CNTNAP5: variants seen among roughly 807,000 people sequenced by gnomAD.
CNTNAP5 encodes the protein contactin associated protein family member 5.
Under a neutral mutation model 150.2 loss-of-function variants are expected in CNTNAP5, and 72 were observed. The observed-to-expected ratio is 0.48, with a 90% CI of 0.40 to 0.58. The LOEUF is 0.58. Among genes scored for constraint, CNTNAP5 ranks in the 20% least tolerant of loss-of-function variants. CNTNAP5 has a pLI of 0.00. For synonymous variants in CNTNAP5, 672 were observed against 619.8 expected, an observed-to-expected ratio of 1.08 and a Z score of -1.25; for missense variants, 1,636 against 1,626.2, an observed-to-expected ratio of 1.01 and a Z score of -0.10.
chr2:124,819,822 A>G (rs1682446136), intron 19 of CNTNAP5, among the ~76,000 whole-genome samples: 1 of 152,196 alleles, frequency 6.6e-6, no homozygotes, highest in Non-Finnish European at 1.5e-5. Flanking sequence ...CCAGGCCTCG[A>G]TGCCATATGT....
intron 1 of CNTNAP5, among the ~76,000 whole-genome samples, chr2:124,055,930 A>G (rs545377094): frequency 6.6e-6 from 1 of 151,610 alleles, no homozygotes; most frequent in Non-Finnish European, 1.5e-5. Context: ...GTCCACTGCC[A>G]TGGCTCTGAT....
intron 6 of CNTNAP5, among the ~76,000 whole-genome samples, chr2:124,463,453 C>T (rs1412974967): frequency 1.3e-5 from 2 of 152,130 alleles, no homozygotes; most frequent in East Asian, 1.9e-4. Flanking sequence ...TACCCCGTTG[C>T]AAAACCTGAT....
intron 13 of CNTNAP5, among the ~76,000 whole-genome samples, chr2:124,739,867 T>C (rs1273518770): frequency 2.0e-5 from 3 of 152,000 alleles, no homozygotes; most frequent in African/African-American, 7.3e-5. Context: ...TATTAACTGC[T>C]CTCTTTGGCA....
chr2:124,612,196 G>A (rs1008343291), intron 12 of CNTNAP5, among the ~76,000 whole-genome samples: 6 of 152,074 alleles, frequency 3.9e-5, no homozygotes, highest in African/African-American at 7.2e-5. Flanking sequence ...ACTGTAATCC[G>A]CAATCCAGAG....
chr2:124,678,294 G>A (rs1678990043), intron 13 of CNTNAP5, among the ~76,000 whole-genome samples: 1 of 151,698 alleles, frequency 6.6e-6, no homozygotes, highest in Non-Finnish European at 1.5e-5. Flanking sequence ...CTCCTTTCTT[G>A]TCAGCATGTA....
chr2:124,531,155 A>G (rs1174805514), intron 10 of CNTNAP5, among the ~76,000 whole-genome samples: 1 of 152,084 alleles, frequency 6.6e-6, no homozygotes, highest in Non-Finnish European at 1.5e-5. Context: ...ATCAGGCATT[A>G]GATTCTCATA....
intron 8 of CNTNAP5, among the ~76,000 whole-genome samples, chr2:124,510,301 C>CTATCTATATATCTA (rs1694536672): frequency 7.5e-5 from 8 of 106,056 alleles, no homozygotes; most frequent in Admixed American, 1.2e-4. Flanking sequence ...ATCTATATAT[C>CTATCTATATATCTA]TATATATATA....
intron 12 of CNTNAP5, among the ~76,000 whole-genome samples, chr2:124,616,122 C>A (rs759379150): frequency 4.6e-5 from 7 of 152,082 alleles, no homozygotes; most frequent in Non-Finnish European, 4.4e-5. Flanking sequence ...GGCAAATGAG[C>A]ATTAGCACTT....
At chr2:124,176,637 T>G (rs1481558967) in intron 1 of CNTNAP5, among the ~76,000 whole-genome samples, 1 of 152,094 alleles carries the variant, frequency 6.6e-6, no homozygotes, top group Non-Finnish European at 1.5e-5. Flanking sequence ...TGGACAGTTC[T>G]CCAAACTTTG....
chr2:124,875,035 T>C (rs901230287), intron 21 of CNTNAP5, among the ~76,000 whole-genome samples: 1 of 152,076 alleles, frequency 6.6e-6, no homozygotes, highest in Non-Finnish European at 1.5e-5. Flanking sequence ...ATTGCAGAGC[T>C]ATCTGTGAGC....
intron 3 of CNTNAP5, among the ~76,000 whole-genome samples, chr2:124,301,220 T>C (rs1046645535): frequency 6.6e-6 from 1 of 152,228 alleles, no homozygotes; most frequent in Non-Finnish European, 1.5e-5. Context: ...TTATTTTCTT[T>C]GCAAAAGTAG....
intron 1 of CNTNAP5, among the ~76,000 whole-genome samples, chr2:124,147,446 C>G (rs1354506989): frequency 1.3e-5 from 2 of 152,126 alleles, no homozygotes; most frequent in African/African-American, 4.8e-5. Flanking sequence ...TGAGTTCTGG[C>G]TAGGGTTCTC....
chr2:124,566,736 T>G (rs1395809465), intron 11 of CNTNAP5, among the ~76,000 whole-genome samples: 1 of 152,136 alleles, frequency 6.6e-6, no homozygotes, highest in Non-Finnish European at 1.5e-5. Context: ...TCTAACTAAT[T>G]TCCCCCTCCC....
chr2:124,514,677 G>A (rs575168177), intron 8 of CNTNAP5, among the ~76,000 whole-genome samples: 34 of 152,304 alleles, frequency 2.2e-4, no homozygotes, highest in South Asian at 4.1e-4. Flanking sequence ...AGCTGGATAG[G>A]TGAGAAAGGG....
At chr2:124,122,081 G>A (rs777677849) in intron 1 of CNTNAP5, among the ~76,000 whole-genome samples, 30 of 152,100 alleles carry the variant, frequency 2.0e-4, no homozygotes, top group Non-Finnish European at 3.8e-4. Flanking sequence ...ATTAAAGATG[G>A]GATTACGTGG....
At chr2:124,136,990 A>T (rs949488383) in intron 1 of CNTNAP5, among the ~76,000 whole-genome samples, 6 of 152,106 alleles carry the variant, frequency 3.9e-5, no homozygotes, top group African/African-American at 1.2e-4. Flanking sequence ...GACCTCTCTA[A>T]CCTAGGCTGG....
intron 3 of CNTNAP5, among the ~76,000 whole-genome samples, chr2:124,389,035 C>T (rs992391879): frequency 6.6e-6 from 1 of 152,248 alleles, no homozygotes; most frequent in South Asian, 2.1e-4. Flanking sequence ...GCTACAGGAA[C>T]GCCATATTTT....
At chr2:124,622,507 A>G (rs749669088) in intron 12 of CNTNAP5, among the ~76,000 whole-genome samples, 1 of 152,016 alleles carries the variant, frequency 6.6e-6, no homozygotes, top group Non-Finnish European at 1.5e-5. Flanking sequence ...TGCTGGGTCA[A>G]ATGGTATATC....
At chr2:124,223,389 A>G (rs189752490) in intron 2 of CNTNAP5, among the ~76,000 whole-genome samples, 2 of 152,266 alleles carry the variant, frequency 1.3e-5, no homozygotes, top group Admixed American at 1.3e-4. Context: ...TTTTATCTGT[A>G]AAGTGGCCCA....
Sources: allele counts gnomAD v4.1 joint callset (sites outside exome capture counted in the v4.1 genomes callset), GRCh38; gene constraint gnomAD v4.1.1; transcripts MANE v1.5; gene names NCBI Gene and HGNC (gene_info 2026-07-23, HGNC 2026-07-21).